The following HDAC5 variants were observed in gnomAD, a reference collection of about 807,000 sequenced individuals.
HDAC5 encodes histone deacetylase 5.
HDAC5 carries 25 observed loss-of-function variants against 133.3 expected under a neutral mutation model. The observed-to-expected ratio is 0.19, with a 90% CI of 0.14 to 0.26. The LOEUF is 0.26. Among genes scored for constraint, HDAC5 ranks in the 10% least tolerant of loss-of-function variants. The pLI, the probability that HDAC5 is intolerant of heterozygous loss-of-function variation, is 1.00. For missense variants in HDAC5, 1,041 were observed against 1,460.5 expected (o/e 0.71, Z 4.68); for synonymous variants, 589 against 610.8 (o/e 0.96, Z 0.53).
chr17:44,102,886 T>C (rs2051705292), intron 3 of HDAC5, among the ~76,000 whole-genome samples: 2 of 151,770 alleles, frequency 1.3e-5, no homozygotes. Flanking sequence ...CAGGATGGTC[T>C]CTATCCCCCG....
chr17:44,082,878 G>A (rs1597934508), intron 18 of HDAC5, 58 bp from the exon 19 acceptor site: 7 of 1,449,118 alleles, frequency 4.8e-6, no homozygotes, highest in Non-Finnish European at 6.6e-6. Flanking sequence ...CCGTGGAGGG[G>A]GTAGCACAGG....
intron 1 of HDAC5, among the ~76,000 whole-genome samples, chr17:44,118,547 A>G (rs1423506656): frequency 6.6e-6 from 1 of 152,110 alleles, no homozygotes; most frequent in Non-Finnish European, 1.5e-5. Context: ...CAGTATAGTA[A>G]AGGAGGAGGT....
intron 3 of HDAC5, among the ~76,000 whole-genome samples, chr17:44,106,606 T>A (rs575977348): frequency 6.6e-6 from 1 of 152,134 alleles, no homozygotes; most frequent in Non-Finnish European, 1.5e-5. Flanking sequence ...TTTTTTTTTT[T>A]TGAGGCAAAG....
At chr17:44,115,408 C>A (rs547470568) in intron 2 of HDAC5, among the ~76,000 whole-genome samples, 2 of 152,324 alleles carry the variant, frequency 1.3e-5, no homozygotes, top group East Asian at 3.9e-4. Flanking sequence ...TGGACACCCG[C>A]GTGCTCTGGC....
Position 44,109,872 on chromosome 17 carries a change from G to A in HDAC5, c.94+857C>T, listed in dbSNP as rs1162689721. 3.3e-5 allele frequency among the ~76,000 whole-genome samples: 5 copies of A among 152,264 alleles called. No individual in the cohort carries two copies. In the East Asian group the frequency reaches 9.6e-4, roughly 29 times the overall value. Reference sequence around the variant, plus strand: ...CATGGGTCCAGCAGGCCCCTCCCTGGAGGAAGCATCTTGTGGTGCCGGCCT... The same window carrying A: ...CATGGGTCCAGCAGGCCCCTCCCTGAAGGAAGCATCTTGTGGTGCCGGCCT... On this transcript the variant is annotated intron_variant, in intron 3 of 26. Transcript: ENST00000682912.
At chr17:44,094,546 A>G (rs1244178149) in intron 3 of HDAC5, among the ~76,000 whole-genome samples, 4 of 150,476 alleles carry the variant, frequency 2.7e-5, no homozygotes, top group Non-Finnish European at 5.9e-5. Context: ...CTGAGGCAGG[A>G]GAATCGCTTG....
chr17:44,084,004 A>G (rs1055929415), intron 16 of HDAC5, 150 bp from the exon 17 acceptor site: 5 of 664,878 alleles, frequency 7.5e-6, no homozygotes, highest in Non-Finnish European at 1.4e-5. Flanking sequence ...CACACCTGTA[A>G]ACCCAGCTAC....
In HDAC5 at chr17:44,092,818, GGGGGGTGGGGA is replaced by G; in HGVS notation, c.642-23_642-13del. The stretch of plus-strand genomic sequence containing the variant: ...CATGGTGGGCTCCCCTGGGGTGGGG[GGGGGGTGGGGA>G]TGGAAGCAGATCTAGGTTATCACCC... On this transcript the variant is annotated splice_polypyrimidine_tract_variant and intron_variant, in intron 6 of 26. Transcript: ENST00000682912. The G allele has an allele frequency of 2.3e-6, 2 of 852,632 alleles. No individual in the cohort carries two copies. Among genetic ancestry groups the G allele is most frequent in the Non-Finnish European group, 3.6e-6 (2 of 556,246 alleles). The allele number at this position is 852,632 out of a possible 1,614,324, so 52.8% of individuals were successfully genotyped here.
At position 44,092,236 on chromosome 17, in the gene HDAC5, T is replaced by C. The variant is rs1468654782; in HGVS notation, c.968A>G (p.Asn323Ser). ...CTCAGCGATGGTGCTGTGGGAGCTG[T>C]TGGGAGAGCTGGGGCCGGAGCCGGG... The part of the protein sequence containing the change: ...SAPGSGPSSP[N>S]SSHSTIAENG... Residue 323 changes from asparagine (N) to serine (S), a missense_variant, in exon 9 of 27, where the codon AAC becomes AGC. Coordinates refer to ENST00000682912, the MANE Select transcript of HDAC5 (RefSeq NM_005474.5). 1.9e-6 allele frequency: 3 copies of C among 1,613,704 alleles called. No homozygotes were observed. Among genetic ancestry groups the C allele is most frequent in the African/African-American group, 2.7e-5 (2 of 74,852 alleles).
intron 3 of HDAC5, among the ~76,000 whole-genome samples, chr17:44,107,212 A>G (rs1242966933): frequency 6.6e-6 from 1 of 152,122 alleles, no homozygotes; most frequent in Non-Finnish European, 1.5e-5. Context: ...TCAGGCTTCC[A>G]AAGTGCTGGG....
intron 11 of HDAC5, 140 bp from the exon 12 acceptor site, chr17:44,088,738 C>T (rs1047894916): frequency 4.4e-5 from 53 of 1,217,296 alleles, no homozygotes; most frequent in Middle Eastern, 2.6e-4. Flanking sequence ...GGACCTGAAG[C>T]ACCCCCCACC....
intron 20 of HDAC5, 53 bp from the exon 21 acceptor site, chr17:44,080,935 G>A (rs1426462042): frequency 3.2e-5 from 51 of 1,612,378 alleles, no homozygotes. Flanking sequence ...TGACCCAATG[G>A]TCAAATTCCA....
chr17:44,111,046 G>C (rs546753636), intron 2 of HDAC5: 1 of 533,928 alleles, frequency 1.9e-6, no homozygotes, highest in East Asian at 3.3e-5. Flanking sequence ...GGAGGCCCTA[G>C]AGCTGCAGGC....
At position 44,079,246 on chromosome 17, in the gene HDAC5, G is replaced by T; in HGVS notation, c.2976C>A (p.Thr992=). 1 of 1,613,726 alleles carries T rather than the reference G, an allele frequency of 6.2e-7. No homozygotes were observed. The highest frequency in any genetic ancestry group is 1.1e-5 in the South Asian group (1 of 91,034). The change falls in exon 24 of 27, where the codon ACC becomes ACA. Residue 992 remains threonine (T), a synonymous_variant. Coordinates refer to ENST00000682912, the MANE Select transcript of HDAC5 (RefSeq NM_005474.5). ...CCAGCACCACCCGGCCCCCTGCCAG[G>T]GTCATCAGCTGCCTGGTCAAGTGGC... ...CFGHLTRQLM[T]LAGGRVVLAL...
At chr17:44,112,698 T>A (rs1452030508) in intron 2 of HDAC5, among the ~76,000 whole-genome samples, 1 of 152,116 alleles carries the variant, frequency 6.6e-6, no homozygotes, top group African/African-American at 2.4e-5. Flanking sequence ...TCTCCTGCCC[T>A]CAGGCTGGGA....
intron 23 of HDAC5, among the ~76,000 whole-genome samples, chr17:44,079,639 C>CAAAA (rs773678478): frequency 1.6e-3 from 104 of 64,896 alleles, no homozygotes; most frequent in Middle Eastern, 7.8e-3. Context: ...GACTCCACCT[C>CAAAA]AAAAAAAAAA....
chr17:44,087,373 G>A (rs1443612623), intron 13 of HDAC5, 39 bp downstream of exon 13: 1 of 746,126 alleles, frequency 1.3e-6, no homozygotes, highest in Non-Finnish European at 2.5e-6. Context: ...AAGGACAGAG[G>A]GGTGGTGACC....
chr17:44,088,249 G>C, intron 12 of HDAC5, 138 bp downstream of exon 12: 2 of 1,347,320 alleles, frequency 1.5e-6, no homozygotes, highest in South Asian at 3.0e-5. Flanking sequence ...CTGACCTCAG[G>C]CGATCTGCCC....
intron 3 of HDAC5, 36 bp from the exon 4 acceptor site, chr17:44,093,870 C>G: frequency 6.9e-7 from 1 of 1,454,778 alleles, no homozygotes; most frequent in Non-Finnish European, 9.1e-7. Context: ...GTTAGTGGGC[C>G]CAGCCCCAGA....
Sources: allele counts gnomAD v4.1 joint callset (sites outside exome capture counted in the v4.1 genomes callset), GRCh38; gene constraint gnomAD v4.1.1; transcripts MANE v1.5; gene names NCBI Gene and HGNC (gene_info 2026-07-23, HGNC 2026-07-21).